PTPRM: variants seen among roughly 807,000 people sequenced by gnomAD.
PTPRM encodes protein tyrosine phosphatase receptor type M, also known as receptor-type tyrosine-protein phosphatase mu.
PTPRM carries 47 observed loss-of-function variants against 186.7 expected under a neutral mutation model. The observed-to-expected ratio is 0.25, with a 90% confidence interval of 0.20 to 0.32. PTPRM has a LOEUF of 0.32. PTPRM is among the 10% of genes least tolerant of loss of function. The probability of loss-of-function intolerance (pLI) is 1.00; values close to 1 mark genes in which losing one functional copy is unlikely to be tolerated. For synonymous variants in PTPRM, 668 were observed against 674.9 expected (o/e 0.99, Z 0.16); for missense variants, 1,494 against 1,865.0 (o/e 0.80, Z 3.66).
At chr18:8,104,638 G>A (rs574822102) in intron 11 of PTPRM, among the ~76,000 whole-genome samples, 2 of 152,040 alleles carry the variant, frequency 1.3e-5, no homozygotes, top group African/African-American at 4.8e-5. Flanking sequence ...CTATAGAGCA[G>A]GGTCTCACTA....
chr18:8,211,397 T>TG (rs2094003315), intron 14 of PTPRM, among the ~76,000 whole-genome samples: 1 of 144,160 alleles, frequency 6.9e-6, no homozygotes, highest in South Asian at 2.3e-4. Flanking sequence ...TTTTTTTTTT[T>TG]TTTTTGTTTG....
intron 3 of PTPRM, among the ~76,000 whole-genome samples, chr18:7,898,032 A>G (rs1212437663): frequency 6.6e-6 from 1 of 152,082 alleles, no homozygotes; most frequent in Non-Finnish European, 1.5e-5. Context: ...TTTTTATTTT[A>G]TTTTCTGATA....
intron 20 of PTPRM, among the ~76,000 whole-genome samples, chr18:8,313,619 G>A (rs1368748256): frequency 6.6e-6 from 1 of 151,508 alleles, no homozygotes; most frequent in Non-Finnish European, 1.5e-5. Flanking sequence ...GGTTTTGGGG[G>A]AACAAGTGGT....
chr18:8,118,194 T>C (rs554796589), intron 13 of PTPRM, among the ~76,000 whole-genome samples: 5 of 152,368 alleles, frequency 3.3e-5, no homozygotes, highest in South Asian at 4.1e-4. Context: ...ATTATATTAA[T>C]CTTCCATAAA....
intron 1 of PTPRM, among the ~76,000 whole-genome samples, chr18:7,664,759 A>G (rs201723875): frequency 1.1e-3 from 169 of 152,336 alleles, no homozygotes; most frequent in African/African-American, 4.0e-3. Context: ...ACAAGGACCC[A>G]GCCAGGTTCA....
At chr18:8,010,675 G>A (rs868838328) in intron 7 of PTPRM, among the ~76,000 whole-genome samples, 1 of 152,214 alleles carries the variant, frequency 6.6e-6, no homozygotes, top group South Asian at 2.1e-4. Context: ...TGGAGGGAGA[G>A]ACAGCCTTGC....
At chr18:8,214,636 T>C (rs1004589545) in intron 14 of PTPRM, among the ~76,000 whole-genome samples, 18 of 152,152 alleles carry the variant, frequency 1.2e-4, no homozygotes, top group Non-Finnish European at 1.5e-5. Context: ...GTATTTCTAA[T>C]ACGAAATTCA....
chr18:8,218,725 T>C (rs548467815), intron 14 of PTPRM, among the ~76,000 whole-genome samples: 1 of 152,344 alleles, frequency 6.6e-6, no homozygotes, highest in East Asian at 1.9e-4. Flanking sequence ...CAAAACCTTC[T>C]ACATGTTTAA....
intron 3 of PTPRM, among the ~76,000 whole-genome samples, chr18:7,897,971 C>G (rs369115949): frequency 6.6e-6 from 1 of 152,128 alleles, no homozygotes; most frequent in East Asian, 1.9e-4. Context: ...ATAATTAGCT[C>G]CATTGCAAAT....
intron 14 of PTPRM, among the ~76,000 whole-genome samples, chr18:8,214,915 G>A (rs1366988976): frequency 6.6e-6 from 1 of 152,120 alleles, no homozygotes; most frequent in African/African-American, 2.4e-5. Flanking sequence ...TGCCCCCTTG[G>A]CCTCCCAAAT....
chr18:7,814,774 C>G (rs2044717468), intron 2 of PTPRM: 1 of 152,166 alleles, frequency 6.6e-6, no homozygotes, highest in African/African-American at 2.4e-5. Context: ...CCTCTTTTGT[C>G]TTTTCTCATG....
intron 3 of PTPRM, among the ~76,000 whole-genome samples, chr18:7,892,395 C>T (rs2049127232): frequency 6.6e-6 from 1 of 152,212 alleles, no homozygotes; most frequent in African/African-American, 2.4e-5. Flanking sequence ...AACTGTTAAA[C>T]TACATTGAGA....
At chr18:8,063,638 AT>A (rs1371709577) in intron 7 of PTPRM, among the ~76,000 whole-genome samples, 1 of 152,072 alleles carries the variant, frequency 6.6e-6, no homozygotes, top group African/African-American at 2.4e-5. Context: ...TAACACTTTT[AT>A]TTTTTATGGA....
intron 22 of PTPRM, among the ~76,000 whole-genome samples, chr18:8,324,961 C>T (rs551260288): frequency 3.3e-5 from 5 of 152,258 alleles, no homozygotes; most frequent in African/African-American, 1.2e-4. Flanking sequence ...GCCATGTATG[C>T]GTGACCTGTT....
chr18:8,356,484 C>T (rs2148358213), intron 23 of PTPRM, among the ~76,000 whole-genome samples: 2 of 152,284 alleles, frequency 1.3e-5, no homozygotes, highest in Admixed American at 1.3e-4. Flanking sequence ...CGTGGACACA[C>T]TTAAATAAAT....
intron 26 of PTPRM, chr18:8,377,774 G>C (rs2095706031): frequency 2.0e-5 from 3 of 152,594 alleles, no homozygotes; most frequent in Middle Eastern, 6.8e-3. Context: ...TATGAGAACA[G>C]CTCTCTGTAC....
chr18:7,859,781 AG>A (rs2047269585), intron 2 of PTPRM, among the ~76,000 whole-genome samples: 2 of 152,150 alleles, frequency 1.3e-5, no homozygotes, highest in African/African-American at 4.8e-5. Context: ...GTGCAGATTC[AG>A]GGGTTTTTAC....
At chr18:7,840,431 A>G (rs1340850241) in intron 2 of PTPRM, among the ~76,000 whole-genome samples, 1 of 152,222 alleles carries the variant, frequency 6.6e-6, no homozygotes, top group African/African-American at 2.4e-5. Flanking sequence ...CTCTGAAGGT[A>G]TCGTATTTTG....
chr18:7,848,084 G>T (rs1228333863), intron 2 of PTPRM, among the ~76,000 whole-genome samples: 1 of 152,188 alleles, frequency 6.6e-6, no homozygotes, highest in Non-Finnish European at 1.5e-5. Context: ...ACATAGACCT[G>T]CCCATAGTCA....
Sources: allele counts gnomAD v4.1 joint callset (sites outside exome capture counted in the v4.1 genomes callset), GRCh38; gene constraint gnomAD v4.1.1; transcripts MANE v1.5; gene names NCBI Gene and HGNC (gene_info 2026-07-23, HGNC 2026-07-21).